The following DACH1 variants were observed in gnomAD, a reference collection of about 807,000 sequenced individuals.
The protein encoded by DACH1 is dachshund family transcription factor 1, also known as dachshund homolog 1.
DACH1 carries 12 observed loss-of-function variants against 54.2 expected under a neutral mutation model. The observed-to-expected ratio is 0.22, with a 90% CI of 0.14 to 0.36. DACH1 has a LOEUF of 0.36. Among genes scored for constraint, DACH1 ranks in the 10% least tolerant of loss-of-function variants. The pLI is 1.00. For missense variants in DACH1, 805 were observed against 929.8 expected (o/e 0.87, Z 1.75); for synonymous variants, 386 against 366.2 (o/e 1.05, Z -0.62).
intron 1 of DACH1, among the ~76,000 whole-genome samples, chr13:71,837,557 G>A (rs553556086): frequency 5.3e-4 from 81 of 151,994 alleles, no homozygotes; most frequent in Non-Finnish European, 8.5e-4. Flanking sequence ...AAATTAACAC[G>A]GCTTATATTC....
intron 3 of DACH1, among the ~76,000 whole-genome samples, chr13:71,578,545 A>G (rs1387265848): frequency 6.6e-6 from 1 of 152,192 alleles, no homozygotes; most frequent in Non-Finnish European, 1.5e-5. Flanking sequence ...CAGTCCTTTC[A>G]TGAAAGTTAT....
At chr13:71,761,045 G>A (rs915222719) in intron 1 of DACH1, among the ~76,000 whole-genome samples, 4 of 149,926 alleles carry the variant, frequency 2.7e-5, no homozygotes, top group East Asian at 2.0e-4. Flanking sequence ...CTTTTACTCC[G>A]GGGCAAGAAC....
chr13:71,753,535 A>G (rs1392719619), intron 1 of DACH1, among the ~76,000 whole-genome samples: 3 of 152,188 alleles, frequency 2.0e-5, no homozygotes, highest in South Asian at 2.1e-4. Flanking sequence ...ACCAAGATAT[A>G]TAAATAACGA....
In DACH1 at chr13:71,557,049, C is replaced by T. The variant is rs761037934; in HGVS notation, c.1545G>A (p.Glu515=). 2 of 1,607,250 alleles carry T rather than the reference C, an allele frequency of 1.2e-6. No homozygotes were observed. The highest frequency in any genetic ancestry group is 2.2e-5 in the South Asian group (2 of 90,324). ...CTTTTTCAATATGCATCCTTTTTGACTCATGTCCCATGTCATGACCGGCCA... is the reference window on the plus strand; with the variant it reads ...CTTTTTCAATATGCATCCTTTTTGATTCATGTCCCATGTCATGACCGGCCA... ...GDLAGHDMGH[E]SKRMHIEKDE... Residue 515 remains glutamate, a synonymous_variant, in exon 6 of 11, where the codon GAG becomes GAA. Transcript: ENST00000613252.
intron 3 of DACH1, among the ~76,000 whole-genome samples, chr13:71,578,314 G>A (rs1885659174): frequency 6.6e-6 from 1 of 152,044 alleles, no homozygotes; most frequent in Non-Finnish European, 1.5e-5. Flanking sequence ...CATACCATTG[G>A]AGACCACTTA....
intron 6 of DACH1, among the ~76,000 whole-genome samples, chr13:71,525,791 G>T (rs1401304641): frequency 2.0e-5 from 3 of 151,930 alleles, no homozygotes; most frequent in African/African-American, 4.8e-5. Flanking sequence ...AGTATTTTTG[G>T]AATGAAGCTT....
chr13:71,462,909 CACACACATAA>C (rs1459527371), intron 10 of DACH1, among the ~76,000 whole-genome samples: 16 of 126,994 alleles, frequency 1.3e-4, no homozygotes, highest in South Asian at 5.1e-4. Flanking sequence ...CACACACACA[CACACACATAA>C]ACCATGAATA....
chr13:71,555,145 A>T (rs918032566), intron 6 of DACH1, among the ~76,000 whole-genome samples: 3 of 152,148 alleles, frequency 2.0e-5, no homozygotes, highest in African/African-American at 7.2e-5. Flanking sequence ...TCCCAAGTTA[A>T]ACTTGGTAAA....
At chr13:71,853,282 A>G (rs1873788474) in intron 1 of DACH1, among the ~76,000 whole-genome samples, 1 of 152,170 alleles carries the variant, frequency 6.6e-6, no homozygotes, top group South Asian at 2.1e-4. Context: ...ATCAAAGAGC[A>G]TCTTAAATTT....
intron 6 of DACH1, among the ~76,000 whole-genome samples, chr13:71,542,456 T>C (rs1360068625): frequency 6.6e-6 from 1 of 152,114 alleles, no homozygotes; most frequent in Non-Finnish European, 1.5e-5. Flanking sequence ...GTAAAAACTT[T>C]AAATTATTAG....
At chr13:71,675,363 T>C in intron 2 of DACH1, 1 of 1,507,796 alleles carries the variant, frequency 6.6e-7, no homozygotes, top group Non-Finnish European at 9.1e-7. Context: ...GTGAGGCCTA[T>C]CTGGTTGGCC....
At chr13:71,730,541 CTAATTT>C (rs1566463495) in intron 1 of DACH1, among the ~76,000 whole-genome samples, 1 of 152,092 alleles carries the variant, frequency 6.6e-6, no homozygotes. Flanking sequence ...ATAATGTTGT[CTAATTT>C]TAATTTCTTC....
At chr13:71,865,876 T>C (rs937991723) in intron 1 of DACH1, 46 bp downstream of exon 1, 4 of 1,529,716 alleles carry the variant, frequency 2.6e-6, no homozygotes, top group Middle Eastern at 1.8e-4. Flanking sequence ...GCGAGCAGGC[T>C]GGTGGGAAGG....
At chr13:71,709,454 C>T (rs897118905) in intron 1 of DACH1, among the ~76,000 whole-genome samples, 3 of 151,958 alleles carry the variant, frequency 2.0e-5, no homozygotes, top group East Asian at 1.9e-4. Context: ...CCCACCGAGA[C>T]GTGAATTGTC....
At chr13:71,465,273 C>T (rs1443437654) in intron 10 of DACH1, among the ~76,000 whole-genome samples, 1 of 151,906 alleles carries the variant, frequency 6.6e-6, no homozygotes, top group East Asian at 1.9e-4. Context: ...TTTTATTTTG[C>T]TCATACAAAT....
chr13:71,624,926 G>C (rs940629286), intron 3 of DACH1, among the ~76,000 whole-genome samples: 3 of 151,624 alleles, frequency 2.0e-5, no homozygotes, highest in African/African-American at 7.3e-5. Context: ...CTTGAGTCTC[G>C]GCCCCTTTTA....
rs746673763 is a variant in DACH1, at chr13:71,475,740, C to T, written c.1980G>A (p.Gln660=). Residue 660 remains glutamine, a synonymous_variant, in exon 9 of 11, where the codon CAG becomes CAA. Transcript: ENST00000613252. ...CCCTGAGACTATCTGTTGAAGCTGC[C>T]TGTTTTAGCGTCTGTTCTGCTTGTT... ...RREQAEQTLK[Q]AASTDSLRVL... The T allele has an allele frequency of 1.2e-6, 2 of 1,613,326 alleles. No homozygotes were observed. The highest frequency in any genetic ancestry group is 4.5e-5 in the East Asian group (2 of 44,828).
intron 1 of DACH1, among the ~76,000 whole-genome samples, chr13:71,774,405 G>T (rs1483761287): frequency 6.6e-6 from 1 of 152,034 alleles, no homozygotes; most frequent in East Asian, 1.9e-4. Flanking sequence ...TCTTTAAATG[G>T]GAATGACTCT....
Position 71,849,756 on chromosome 13 carries a change from T to C in DACH1, c.848+16166A>G, listed in dbSNP as rs368178246. Among the ~76,000 whole-genome samples, 30 of 152,334 alleles carry C rather than the reference T, an allele frequency of 2.0e-4. No homozygotes were observed. The East Asian group carries it at 2.3e-3, about 12-fold the overall frequency. On this transcript the variant is annotated intron_variant, in intron 1 of 10. Transcript: ENST00000613252. ...AGATGGAGCAGATCAGAGAAGATTC[T>C]AATATTCTTCCACTCTGAAACATTT... is the stretch of plus-strand genomic sequence containing the variant.
Sources: allele counts gnomAD v4.1 joint callset (sites outside exome capture counted in the v4.1 genomes callset), GRCh38; gene constraint gnomAD v4.1.1; transcripts MANE v1.5; gene names NCBI Gene and HGNC (gene_info 2026-07-23, HGNC 2026-07-21).